RFX7: variants seen among roughly 807,000 people sequenced by gnomAD.
RFX7 encodes the protein regulatory factor X7.
A neutral mutation model predicts 111.8 loss-of-function variants in RFX7; 26 were observed. The observed-to-expected ratio is 0.23, with a 90% CI of 0.17 to 0.32. The LOEUF is 0.32. Among genes scored for constraint, RFX7 ranks in the 10% least tolerant of loss-of-function variants. The pLI is 1.00. For missense variants in RFX7, 1,573 were observed against 1,772.9 expected (o/e 0.89, Z 2.02); for synonymous variants, 624 against 624.4 (o/e 1.00, Z 0.01).
Position 56,095,889 on chromosome 15 carries a change from C to A in RFX7, c.1839G>T (p.Thr613=), listed in dbSNP as rs148249850. Reference sequence around the variant, plus strand: ...TAGTGCTTTGATTATTGCCTGTTGACGTGCCTGGCAGCATTTCATTACAGC... The same window carrying A: ...TAGTGCTTTGATTATTGCCTGTTGAAGTGCCTGGCAGCATTTCATTACAGC... The part of the protein sequence containing the change: ...KSRCNEMLPG[T]STGNNQSTIT... The change falls in exon 10 of 10, where the codon ACG becomes ACT. Residue 613 remains threonine (T), a synonymous_variant. Coordinates refer to ENST00000559447, the MANE Select transcript of RFX7 (RefSeq NM_022841.7). 1.2e-6 allele frequency: 2 copies of A among 1,605,358 alleles called. No homozygotes were observed. The highest frequency in any genetic ancestry group is 1.7e-5 in the Admixed American group (1 of 60,014).
In RFX7 at chr15:56,141,659, A is replaced by C. The variant is rs757123818; in HGVS notation, c.401+1119T>G. Among the ~76,000 whole-genome samples, 69 of 124,522 alleles carry C rather than the reference A, an allele frequency of 5.5e-4. 2 individuals are homozygous for C. Among genetic ancestry groups the C allele is most frequent in the Middle Eastern group, 4.0e-3 (1 of 252 alleles). 81.7% of individuals were successfully genotyped at this position (124,522 alleles called of 152,430 possible). ...TGAAGAATCTATGCTTACTCTAAAT[A>C]TATATATATATATATATGCATATAT... On this transcript the variant is annotated intron_variant, in intron 5 of 9. Coordinates refer to ENST00000559447, the MANE Select transcript of RFX7 (RefSeq NM_022841.7).
rs377067474 is a variant in RFX7, at chr15:56,096,477, G to C, written c.1251C>G (p.Ala417=). The change falls in exon 10 of 10, where the codon GCC becomes GCG. Residue 417 remains alanine (A), a synonymous_variant. Transcript: ENST00000559447. ...GGGCAGAACGATCCCCACCAGGACT[G>C]GCTGGAACGTTCTGGGGAGTCTTTG... ...QAPKTPQNVP[A]SPGGDRSARH... The C allele has an allele frequency of 2.0e-5, 32 of 1,610,444 alleles. No homozygotes were observed. Among genetic ancestry groups the C allele is most frequent in the Non-Finnish European group, 5.1e-6 (6 of 1,178,274 alleles).
intron 5 of RFX7, among the ~76,000 whole-genome samples, chr15:56,109,468 C>T (rs1315197222): frequency 6.6e-6 from 1 of 152,176 alleles, no homozygotes; most frequent in African/African-American, 2.4e-5. Context: ...TGGCCGCCAC[C>T]CGGTCTGGGA....
At chr15:56,226,285 C>T (rs2043482750) in intron 2 of RFX7, among the ~76,000 whole-genome samples, 1 of 152,072 alleles carries the variant, frequency 6.6e-6, no homozygotes, top group Non-Finnish European at 1.5e-5. Flanking sequence ...ATTTTGGGGC[C>T]ACCTACAGAG....
intron 5 of RFX7, among the ~76,000 whole-genome samples, chr15:56,138,251 A>T: frequency 7.3e-6 from 1 of 137,404 alleles, no homozygotes; most frequent in South Asian, 2.7e-4. Flanking sequence ...TGGGAGTCTA[A>T]GTCTCTTTGT....
rs1215165264 is a variant in RFX7, at chr15:56,208,688, C to T, written c.162-29385G>A. Among the ~76,000 whole-genome samples the T allele has an allele frequency of 2.6e-5, 4 of 151,836 alleles. No individual in the cohort carries two copies. In the East Asian group the frequency reaches 7.7e-4, roughly 29 times the overall value. ...TACACAGACTGCAAGAACAGATGGG[C>T]AATATAAATAAATAGAAATTATAAG... On this transcript the variant is annotated intron_variant, in intron 2 of 9. Transcript: ENST00000559447.
chr15:56,094,078 T>C lies in RFX7; in HGVS notation c.3650A>G (p.Asn1217Ser), dbSNP rs1391458651. The C allele has an allele frequency of 1.9e-6, 3 of 1,614,022 alleles. 1 individual carries two copies. The highest frequency in any genetic ancestry group is 3.3e-4 in the Middle Eastern group (2 of 6,060). ...FTNVHTDACA[N>S]NIAQRSQSVP... is the part of the protein sequence containing the mutation. ...TGATTGGCTTCTTTGAGCTATGTTG[T>C]TGGCACATGCGTCTGTGTGAACATT... Residue 1217 changes from asparagine to serine, a missense_variant, in exon 10 of 10, where the codon AAC (asparagine) becomes AGC (serine). Physicochemically the swap from Asn to Ser is conservative, Grantham distance 46. Transcript: ENST00000559447.
intron 3 of RFX7, among the ~76,000 whole-genome samples, chr15:56,161,710 A>C (rs1046772074): frequency 6.6e-6 from 1 of 152,098 alleles, no homozygotes; most frequent in Non-Finnish European, 1.5e-5. Flanking sequence ...AACACGGTAG[A>C]AAGTACCGTA....
intron 3 of RFX7, among the ~76,000 whole-genome samples, chr15:56,176,651 A>C (rs2042906305): frequency 6.6e-6 from 1 of 152,188 alleles, no homozygotes; most frequent in African/African-American, 2.4e-5. Flanking sequence ...AATTCATTAC[A>C]CACAAACCTG....
chr15:56,208,953 C>T (rs2043283316), intron 2 of RFX7, among the ~76,000 whole-genome samples: 1 of 151,934 alleles, frequency 6.6e-6, no homozygotes, highest in South Asian at 2.1e-4. Context: ...AATGGAAATT[C>T]CAGAAGGATA....
intron 2 of RFX7, among the ~76,000 whole-genome samples, chr15:56,242,236 T>C (rs531270056): frequency 1.3e-5 from 2 of 152,306 alleles, no homozygotes; most frequent in African/African-American, 2.4e-5. Flanking sequence ...TTAAAAAATA[T>C]TGCTACACTT....
intron 2 of RFX7, among the ~76,000 whole-genome samples, chr15:56,195,179 C>G (rs555293049): frequency 6.6e-5 from 10 of 152,194 alleles, no homozygotes; most frequent in African/African-American, 2.2e-4. Context: ...TATTGTATGA[C>G]TCCCTGTATA....
At chr15:56,111,508 TG>T (rs1294870546) in intron 5 of RFX7, among the ~76,000 whole-genome samples, 1 of 151,444 alleles carries the variant, frequency 6.6e-6, no homozygotes, top group Non-Finnish European at 1.5e-5. Flanking sequence ...ACACAAACAC[TG>T]AGGAAGGCCG....
chr15:56,098,470 G>C, intron 8 of RFX7, 94 bp from the exon 9 acceptor site: 1 of 1,352,076 alleles, frequency 7.4e-7, no homozygotes, highest in Non-Finnish European at 9.9e-7. Flanking sequence ...CCATCTACTG[G>C]ACAAAGCAAC....
intron 2 of RFX7, among the ~76,000 whole-genome samples, chr15:56,200,349 C>T (rs1318008726): frequency 6.6e-6 from 1 of 152,058 alleles, no homozygotes; most frequent in Non-Finnish European, 1.5e-5. Flanking sequence ...GCTTTTAAAA[C>T]TTTTTGTTAT....
rs377587824 is a variant in RFX7, at chr15:56,096,062, A to G, written c.1666T>C (p.Ser556Pro). Residue 556 changes from serine (S) to proline (P), a missense_variant, in exon 10 of 10, where the codon TCT becomes CCT. Coordinates refer to ENST00000559447, the MANE Select transcript of RFX7 (RefSeq NM_022841.7). ...DEHPVQCQEN[S>P]DEAKAPQTPS... ...GTCTGGGGAGCTTTAGCCTCATCAGAGTTCTCTTGGCACTGTACAGGATGC... is the reference window on the plus strand; with the variant it reads ...GTCTGGGGAGCTTTAGCCTCATCAGGGTTCTCTTGGCACTGTACAGGATGC... The G allele has an allele frequency of 5.6e-6, 9 of 1,613,438 alleles. No individual in the cohort carries two copies. The highest frequency in any genetic ancestry group is 7.6e-6 in the Non-Finnish European group (9 of 1,179,686).
chr15:56,122,903 C>A (rs1490210700), intron 5 of RFX7, among the ~76,000 whole-genome samples: 1 of 152,078 alleles, frequency 6.6e-6, no homozygotes, highest in Non-Finnish European at 1.5e-5. Context: ...GCCCTCAAAT[C>A]TGGGACTCAC....
chr15:56,132,948 G>A (rs1201484478), intron 5 of RFX7, among the ~76,000 whole-genome samples: 1 of 151,978 alleles, frequency 6.6e-6, no homozygotes, highest in Non-Finnish European at 1.5e-5. Context: ...CATAAACAGT[G>A]GGGCCAAATT....
chr15:56,140,875 A>G (rs1425415205), intron 5 of RFX7, among the ~76,000 whole-genome samples: 1 of 152,238 alleles, frequency 6.6e-6, no homozygotes, highest in Non-Finnish European at 1.5e-5. Flanking sequence ...GAAAACTTTT[A>G]GGAATATAAG....
Sources: gnomAD v4.1 joint callset for allele counts (sites outside exome capture counted in the v4.1 genomes callset) on GRCh38, gnomAD v4.1.1 for gene constraint, MANE v1.5 for transcripts, NCBI Gene and HGNC (gene_info 2026-07-23, HGNC 2026-07-21) for gene names.